The following COX7B2 variants were observed in gnomAD, a reference collection of about 807,000 sequenced individuals.
COX7B2 encodes the protein cytochrome c oxidase subunit 7B2, mitochondrial.
For missense variants in COX7B2, 109 were observed against 95.9 expected, an observed-to-expected ratio of 1.14 and a Z score of -0.57; for synonymous variants, 37 against 32.1, an observed-to-expected ratio of 1.15 and a Z score of -0.51.
chr4:46,747,975 G>A (rs1317902454), intron 2 of COX7B2, among the ~76,000 whole-genome samples: 1 of 152,170 alleles, frequency 6.6e-6, no homozygotes, highest in African/African-American at 2.4e-5. Flanking sequence ...AACCAAGATA[G>A]TTAAAATCTA....
At chr4:46,776,242 A>G (rs957682680) in intron 2 of COX7B2, among the ~76,000 whole-genome samples, 1 of 152,148 alleles carries the variant, frequency 6.6e-6, no homozygotes, top group Admixed American at 6.5e-5. Context: ...AGGAATATGC[A>G]TACAGTATTC....
At chr4:46,806,946 T>C (rs1719029345) in intron 2 of COX7B2, among the ~76,000 whole-genome samples, 1 of 152,060 alleles carries the variant, frequency 6.6e-6, no homozygotes, top group Non-Finnish European at 1.5e-5. Flanking sequence ...TATTTCCATA[T>C]CTTGGCTGCT....
chr4:46,787,451 T>TA (rs939264250), intron 2 of COX7B2, among the ~76,000 whole-genome samples: 49 of 148,308 alleles, frequency 3.3e-4, no homozygotes, highest in African/African-American at 8.2e-4. Flanking sequence ...CTGTCTCAAA[T>TA]AAAAAAAAAT....
chr4:46,869,815 T>C (rs1371168288), intron 1 of COX7B2, among the ~76,000 whole-genome samples: 1 of 152,172 alleles, frequency 6.6e-6, no homozygotes, highest in East Asian at 1.9e-4. Flanking sequence ...ATTATTTCTT[T>C]AATTTTGGCC....
intron 2 of COX7B2, among the ~76,000 whole-genome samples, chr4:46,752,128 C>A (rs986833827): frequency 2.6e-5 from 4 of 151,964 alleles, no homozygotes; most frequent in East Asian, 3.9e-4. Context: ...TGAAGAGGTC[C>A]TTCATATCCC....
intron 2 of COX7B2, among the ~76,000 whole-genome samples, chr4:46,801,227 T>C (rs571852250): frequency 2.6e-5 from 4 of 152,274 alleles, no homozygotes; most frequent in African/African-American, 9.6e-5. Context: ...GTGATCCTAA[T>C]ACTGGGTATA....
At chr4:46,894,645 A>G (rs1719641847) in intron 1 of COX7B2, among the ~76,000 whole-genome samples, 1 of 152,194 alleles carries the variant, frequency 6.6e-6, no homozygotes, top group African/African-American at 2.4e-5. Context: ...AGTGGGATCT[A>G]ACTAAACTTA....
At chr4:46,876,544 A>G (rs1413685075) in intron 1 of COX7B2, 2 of 151,842 alleles carry the variant, frequency 1.3e-5, no homozygotes, top group Non-Finnish European at 2.9e-5. Flanking sequence ...AGCAGGGACT[A>G]CAGGAGCCCA....
Position 46,774,009 on chromosome 4 carries a change from T to C in COX7B2, c.-49-38768A>G, listed in dbSNP as rs74319751. ...TGAATATTTCCTCTCTGACTCTGATTTTCCAGAATCCATGGACAGCTCATT... is the reference window on the plus strand; with the variant it reads ...TGAATATTTCCTCTCTGACTCTGATCTTCCAGAATCCATGGACAGCTCATT... On this transcript the variant is annotated intron_variant, in intron 2 of 2. Coordinates refer to ENST00000355591, the MANE Select transcript of COX7B2 (RefSeq NM_130902.3). 1.9e-3 allele frequency among the ~76,000 whole-genome samples: 283 copies of C among 152,264 alleles called. 3 individuals are homozygous for C. Among genetic ancestry groups the C allele is most frequent in the Admixed American group, 6.5e-3 (100 of 15,274 alleles).
At chr4:46,837,652 G>T (rs1682078476) in intron 2 of COX7B2, among the ~76,000 whole-genome samples, 2 of 151,726 alleles carry the variant, frequency 1.3e-5, no homozygotes, top group Admixed American at 1.3e-4. Flanking sequence ...ACTTAAAAAT[G>T]GCTAGAATTA....
At chr4:46,821,241 G>T (rs1477245473) in intron 2 of COX7B2, among the ~76,000 whole-genome samples, 1 of 152,188 alleles carries the variant, frequency 6.6e-6, no homozygotes, top group Non-Finnish European at 1.5e-5. Flanking sequence ...GCACCAGAGA[G>T]AATTCAGTCA....
intron 1 of COX7B2, among the ~76,000 whole-genome samples, chr4:46,865,491 C>T (rs1274246253): frequency 6.6e-6 from 1 of 152,166 alleles, no homozygotes; most frequent in African/African-American, 2.4e-5. Flanking sequence ...GACCAACGCT[C>T]AATTTGGTAC....
intron 2 of COX7B2, among the ~76,000 whole-genome samples, chr4:46,800,539 C>T (rs1208235996): frequency 6.6e-6 from 1 of 152,178 alleles, no homozygotes; most frequent in African/African-American, 2.4e-5. Flanking sequence ...GCTGGGATTA[C>T]TGGCTAGCCA....
intron 1 of COX7B2, among the ~76,000 whole-genome samples, chr4:46,863,496 T>C (rs1560425806): frequency 6.6e-6 from 1 of 152,236 alleles, no homozygotes; most frequent in African/African-American, 2.4e-5. Flanking sequence ...TAGAGAATAG[T>C]CGCCCATGTT....
At chr4:46,780,677 A>G (rs1717400300) in intron 2 of COX7B2, among the ~76,000 whole-genome samples, 1 of 152,288 alleles carries the variant, frequency 6.6e-6, no homozygotes, top group Admixed American at 6.5e-5. Context: ...CATAAATACA[A>G]CACTAATTGC....
rs367614632 is a variant in COX7B2 at position 46,754,697 on chromosome 4, CGTGTGTGTGT to C, written c.-49-19466_-49-19457del. ...CTAGAACTTAAAGTACAATAAAATA[CGTGTGTGTGT>C]GTGTGTGTGTGTGTGTGTGTGTATA... On this transcript the variant is annotated intron_variant, in intron 2 of 2. Coordinates refer to ENST00000355591, the MANE Select transcript of COX7B2 (RefSeq NM_130902.3). Among the ~76,000 whole-genome samples the C allele has an allele frequency of 1.1e-3, 84 of 73,684 alleles. 7 individuals carry two copies. Among genetic ancestry groups the C allele is most frequent in the Admixed American group, 3.0e-3 (14 of 4,630 alleles). 48.3% of individuals were successfully genotyped at this position (73,684 alleles called of 152,430 possible).
intron 1 of COX7B2, among the ~76,000 whole-genome samples, chr4:46,858,464 A>T (rs1322753509): frequency 6.6e-6 from 1 of 152,156 alleles, no homozygotes; most frequent in Non-Finnish European, 1.5e-5. Context: ...GCCGTTTTTC[A>T]TTCATGAAAA....
chr4:46,905,377 C>G (rs1334030585), intron 1 of COX7B2, among the ~76,000 whole-genome samples: 1 of 152,138 alleles, frequency 6.6e-6, no homozygotes, highest in East Asian at 1.9e-4. Context: ...AAAGAGTTAT[C>G]CCAAAGCACA....
intron 2 of COX7B2, among the ~76,000 whole-genome samples, chr4:46,769,020 T>C (rs1716715460): frequency 6.6e-6 from 1 of 151,770 alleles, no homozygotes. Flanking sequence ...AAACAGAAAA[T>C]CTGAATGGAC....
Sources: gnomAD v4.1 joint callset for allele counts (sites outside exome capture counted in the v4.1 genomes callset) on GRCh38, gnomAD v4.1.1 for gene constraint, MANE v1.5 for transcripts, NCBI Gene and HGNC (gene_info 2026-07-23, HGNC 2026-07-21) for gene names.